HSPA14: variants seen among roughly 807,000 people sequenced by gnomAD.
HSPA14 encodes heat shock 70 kDa protein 14.
Under a neutral mutation model 65.5 loss-of-function variants are expected in HSPA14, and 37 were observed. That is an observed-to-expected ratio of 0.56 (90% confidence interval 0.43 to 0.74). The LOEUF is 0.74. Among genes scored for constraint, HSPA14 ranks in the 30% least tolerant of loss-of-function variants. HSPA14 has a pLI of 0.00. For synonymous variants in HSPA14, 203 were observed against 214.2 expected (o/e 0.95, Z 0.46); for missense variants, 564 against 607.6 (o/e 0.93, Z 0.75).
intron 8 of HSPA14, among the ~76,000 whole-genome samples, chr10:14,853,022 T>C (rs1834120179): frequency 6.6e-6 from 1 of 152,168 alleles, no homozygotes; most frequent in Non-Finnish European, 1.5e-5. Context: ...TCTAAAATTC[T>C]AACCCTTTTG....
chr10:14,857,905 T>G (rs988937574), intron 10 of HSPA14, among the ~76,000 whole-genome samples: 9 of 150,892 alleles, frequency 6.0e-5, no homozygotes, highest in Non-Finnish European at 1.2e-4. Context: ...TATATTTTGT[T>G]TTTTTTTTTA....
At chr10:14,866,142 G>C (rs1195114216) in intron 10 of HSPA14, among the ~76,000 whole-genome samples, 4 of 152,016 alleles carry the variant, frequency 2.6e-5, no homozygotes, top group Non-Finnish European at 5.9e-5. Context: ...TTGTTCTCCT[G>C]GTATTTACCT....
At chr10:14,846,997 G>A (rs1834064058) in intron 3 of HSPA14, 1 of 985,412 alleles carries the variant, frequency 1.0e-6, no homozygotes, top group Non-Finnish European at 1.2e-6. Flanking sequence ...TCACTTGTAT[G>A]TAGTTGTGGG....
Position 14,867,035 on chromosome 10 carries a change from C to T in HSPA14, c.994-48C>T, listed in dbSNP as rs112610916. The T allele has an allele frequency of 1.3e-3, 1,765 of 1,358,136 alleles. 16 individuals carry two copies. In the African/African-American group the frequency reaches 0.021, roughly 16 times the overall value. 84.1% of individuals were successfully genotyped at this position (1,358,136 alleles called of 1,614,324 possible). A position where few individuals can be genotyped will look rare whatever the true frequency, so the allele number is the denominator to read the frequency against. On this transcript the variant is annotated intron_variant, in intron 10 of 13. Transcript: ENST00000378372. ...GTCTATTACACTTAATTTTGAGACACAGCATTCTTCTAAAAGTAAACAACT... is the reference window on the plus strand; with the variant it reads ...GTCTATTACACTTAATTTTGAGACATAGCATTCTTCTAAAAGTAAACAACT...
rs77672738 is a variant in HSPA14 at position 14,845,725 on chromosome 10, C to T, written c.222-2884C>T. 1.9e-3 allele frequency: 366 copies of T among 188,214 alleles called. 8 individuals are homozygous for T. The East Asian group carries it at 0.055, about 28-fold the overall frequency. The allele number at this position is 188,214 out of a possible 1,614,324, so 11.7% of individuals were successfully genotyped here. On this transcript the variant is annotated intron_variant, in intron 3 of 13. Coordinates refer to ENST00000378372, the MANE Select transcript of HSPA14 (RefSeq NM_016299.4). ...TACAGGTGCATGCCAACATGCCCAA[C>T]TCATTTTTGTATTTTTAGTAGAGAC...
chr10:14,850,794 G>A (rs1834102705), intron 6 of HSPA14: 1 of 153,440 alleles, frequency 6.5e-6, no homozygotes, highest in Admixed American at 6.5e-5. Flanking sequence ...GGTTTCTGAT[G>A]TCACAGAATT....
intron 1 of HSPA14, among the ~76,000 whole-genome samples, chr10:14,839,142 A>G (rs1833935460): frequency 6.6e-6 from 1 of 152,196 alleles, no homozygotes; most frequent in African/African-American, 2.4e-5. Context: ...GCCTGACAGG[A>G]CTTGTGGCCT....
intron 8 of HSPA14, 67 bp from the exon 9 acceptor site, chr10:14,854,058 G>A: frequency 7.2e-7 from 1 of 1,395,268 alleles, no homozygotes; most frequent in Non-Finnish European, 9.8e-7. Context: ...GGATTATCCA[G>A]ATCTTAGTTA....
At chr10:14,846,201 T>C (rs1384841813) in intron 3 of HSPA14, 2 of 985,230 alleles carry the variant, frequency 2.0e-6, no homozygotes, top group African/African-American at 1.7e-5. Context: ...TAGGCTATTA[T>C]ATGGAAAGAT....
chr10:14,838,655 C>T (rs1477339482), intron 1 of HSPA14, 196 bp downstream of exon 1: 1 of 551,248 alleles, frequency 1.8e-6, no homozygotes, highest in Non-Finnish European at 3.1e-6. Flanking sequence ...AAGTCGTCTA[C>T]TCCGCGGCGG....
rs369198567 is a variant in HSPA14, at chr10:14,867,769, G to C, written c.1240G>C (p.Val414Leu). ...VDESGASRFT[V>L]LFPSGTPLPA... is the part of the protein sequence containing the mutation. Reference sequence around the variant, plus strand: ...CGAATCAGGAGCCAGTAGATTCACAGTGCTGTTTCCATCAGGGACTCCTTT... The same window carrying C: ...CGAATCAGGAGCCAGTAGATTCACACTGCTGTTTCCATCAGGGACTCCTTT... Residue 414 changes from valine to leucine, a missense_variant, in exon 12 of 14, where the codon GTG becomes CTG. Val to Leu is a conservative substitution (Grantham distance 32). Coordinates refer to ENST00000378372, the MANE Select transcript of HSPA14 (RefSeq NM_016299.4). The C allele has an allele frequency of 5.9e-5, 96 of 1,614,002 alleles. No individual in the cohort carries two copies. Among genetic ancestry groups the C allele is most frequent in the Non-Finnish European group, 7.9e-5 (93 of 1,180,034 alleles).
intron 1 of HSPA14, among the ~76,000 whole-genome samples, chr10:14,838,764 G>A (rs1332499005): frequency 6.6e-6 from 1 of 152,148 alleles, no homozygotes; most frequent in East Asian, 1.9e-4. Flanking sequence ...GTGCCCGGGG[G>A]GGTCCCGGAG....
Position 14,842,717 on chromosome 10 carries a change from C to T in HSPA14, c.221+2560C>T. 2.6e-6 allele frequency: 4 copies of T among 1,536,484 alleles called. No homozygotes were observed. Among genetic ancestry groups the T allele is most frequent in the Non-Finnish European group, 3.5e-6 (4 of 1,147,002 alleles). Reference sequence around the variant, plus strand: ...CGGCATTCTAAAATCAAAAAGGACTCAGGCAGCTGATCATCAGCCTATCTT... The same window carrying T: ...CGGCATTCTAAAATCAAAAAGGACTTAGGCAGCTGATCATCAGCCTATCTT... On this transcript the variant is annotated intron_variant, in intron 3 of 13. Transcript: ENST00000378372. This position sits in a 1 kb window ranked among gnomAD's most constrained non-coding sequence, Gnocchi z 5.2.
chr10:14,846,104 C>A, intron 3 of HSPA14: 1 of 982,988 alleles, frequency 1.0e-6, no homozygotes, highest in Non-Finnish European at 1.2e-6. Flanking sequence ...TTCTAAGTGC[C>A]ACACCAGACA....
At chr10:14,839,027 G>T (rs1341233444) in intron 1 of HSPA14, among the ~76,000 whole-genome samples, 1 of 152,196 alleles carries the variant, frequency 6.6e-6, no homozygotes, top group African/African-American at 2.4e-5. Context: ...CCGGAGGGGC[G>T]GGGAGGCTGC....
At chr10:14,844,162 T>C (rs929930740) in intron 3 of HSPA14, 24 of 1,281,192 alleles carry the variant, frequency 1.9e-5, no homozygotes, top group Non-Finnish European at 2.4e-5. Flanking sequence ...GTCACAGATG[T>C]GAAGCAGTTT....
At chr10:14,841,557 A>T (rs752159901) in intron 3 of HSPA14, among the ~76,000 whole-genome samples, 2 of 152,192 alleles carry the variant, frequency 1.3e-5, no homozygotes, top group Non-Finnish European at 2.9e-5. Flanking sequence ...TATAGTCCAG[A>T]TACAGAACAT....
intron 10 of HSPA14, among the ~76,000 whole-genome samples, chr10:14,866,382 C>T (rs187506393): frequency 1.2e-4 from 18 of 152,170 alleles, no homozygotes; most frequent in African/African-American, 3.6e-4. Context: ...TGAGATCATC[C>T]GTAAAGACTG....
intron 9 of HSPA14, 96 bp downstream of exon 9, chr10:14,854,376 G>T: frequency 9.8e-7 from 1 of 1,022,204 alleles, no homozygotes. Context: ...TTGTTTGTTT[G>T]AGATTTATCA....
Sources: gnomAD v4.1 joint callset for allele counts (sites outside exome capture counted in the v4.1 genomes callset) on GRCh38, gnomAD v4.1.1 for gene constraint, Gnocchi (gnomAD v3.1) non-coding constraint, MANE v1.5 for transcripts, NCBI Gene and HGNC (gene_info 2026-07-23, HGNC 2026-07-21) for gene names.